The following WIPF2 variants were observed in gnomAD, a reference collection of about 807,000 sequenced individuals.
WIPF2 encodes the protein WAS/WASL-interacting protein family member 2.
In WIPF2, 23 loss-of-function variants were observed where a neutral mutation model predicts 38.8. The observed-to-expected ratio is 0.59, with a 90% confidence interval of 0.43 to 0.84. The LOEUF is 0.84. Among genes scored for constraint, WIPF2 ranks in the 40% least tolerant of loss-of-function variants. WIPF2 has a pLI of 0.00. For missense variants in WIPF2, 574 were observed against 580.5 expected, an observed-to-expected ratio of 0.99 and a Z score of 0.11; for synonymous variants, 210 against 223.2, an observed-to-expected ratio of 0.94 and a Z score of 0.53.
At chr17:40,241,216 T>C (rs1483184071) in intron 1 of WIPF2, among the ~76,000 whole-genome samples, 1 of 152,184 alleles carries the variant, frequency 6.6e-6, no homozygotes, top group Non-Finnish European at 1.5e-5. Flanking sequence ...GGAAAACTTC[T>C]GATTTTAGTT....
Position 40,220,600 on chromosome 17 carries a change from TA to T in WIPF2, c.-70+1109del, listed in dbSNP as rs1567705798. On this transcript the variant is annotated intron_variant, in intron 1 of 7. Transcript: ENST00000323571. ...ATATATATATATATATATATATATA[TA>T]TATATATATATATATATGTATATAT... 214 of 86,468 alleles carry T rather than the reference TA, an allele frequency of 2.5e-3. 5 individuals carry two copies. The highest frequency in any genetic ancestry group is 9.6e-3 in the African/African-American group (193 of 20,126). The allele number at this position is 86,468 out of a possible 1,614,324, so 5.4% of individuals were successfully genotyped here. A position where few individuals can be genotyped will look rare whatever the true frequency, so the allele number is the denominator to read the frequency against.
At chr17:40,229,987 A>G (rs2030672331) in intron 1 of WIPF2, among the ~76,000 whole-genome samples, 2 of 152,188 alleles carry the variant, frequency 1.3e-5, no homozygotes, top group African/African-American at 4.8e-5. Flanking sequence ...GCTGGAGCTT[A>G]GGGAGTGAAA....
intron 1 of WIPF2, among the ~76,000 whole-genome samples, chr17:40,238,666 G>A (rs907320385): frequency 1.5e-4 from 22 of 151,718 alleles, no homozygotes; most frequent in African/African-American, 5.3e-4. Flanking sequence ...AGGCTGGAGT[G>A]CAGTGGCACA....
chr17:40,266,934 G>A (rs942642468), intron 5 of WIPF2, among the ~76,000 whole-genome samples: 1 of 152,110 alleles, frequency 6.6e-6, no homozygotes. Context: ...TGGGTGTAGT[G>A]GTAGAAGCAT....
intron 6 of WIPF2, among the ~76,000 whole-genome samples, 171 bp from the exon 7 acceptor site, chr17:40,276,912 C>G (rs1312908202): frequency 6.6e-6 from 1 of 152,110 alleles, no homozygotes; most frequent in Non-Finnish European, 1.5e-5. Context: ...ATGCAAGGCA[C>G]GTGGGGTGAT....
intron 1 of WIPF2, among the ~76,000 whole-genome samples, chr17:40,230,158 G>A (rs1417367949): frequency 6.6e-6 from 1 of 152,042 alleles, no homozygotes; most frequent in African/African-American, 2.4e-5. Flanking sequence ...GGCAACATAG[G>A]GAGACCCCCC....
In WIPF2 at chr17:40,238,476, G is replaced by T. The variant is rs2031065792; in HGVS notation, c.-69-17915G>T. ...CCGCCATCATGCCCGGCTAATTTTT[G>T]TAGTTTTGTAGAGACAGGGTTTTAC... is the stretch of plus-strand genomic sequence containing the variant. On this transcript the variant is annotated intron_variant, in intron 1 of 7. Transcript: ENST00000323571. 2.0e-5 allele frequency among the ~76,000 whole-genome samples: 3 copies of T among 151,502 alleles called. No individual in the cohort carries two copies. The South Asian group carries it at 6.3e-4, about 32-fold the overall frequency.
At position 40,256,433 on chromosome 17, in the gene WIPF2, A is replaced by G. The variant is rs1039201552; in HGVS notation, c.-27A>G. 5 of 1,600,856 alleles carry G rather than the reference A, an allele frequency of 3.1e-6. No homozygotes were observed. The African/African-American group carries it at 6.7e-5, about 22-fold the overall frequency. On this transcript the variant is annotated 5_prime_UTR_variant, in exon 2 of 8. Coordinates refer to ENST00000323571, the MANE Select transcript of WIPF2 (RefSeq NM_133264.5). ...AGGTACAAATAAAGACGGAGAGAGA[A>G]CAGTGCCAACTGGGAGCAGGGCAAG...
intron 1 of WIPF2, among the ~76,000 whole-genome samples, chr17:40,254,850 CCTCCCGAGTAGCTGGGA>C (rs2031670069): frequency 6.6e-6 from 1 of 152,002 alleles, no homozygotes; most frequent in Admixed American, 6.6e-5. Flanking sequence ...CCTGTCTGAG[CCTCCCGAGTAGCTGGGA>C]CTACAGGCAC....
intron 1 of WIPF2, among the ~76,000 whole-genome samples, chr17:40,237,778 T>C (rs1295319546): frequency 6.7e-6 from 1 of 149,744 alleles, no homozygotes; most frequent in Non-Finnish European, 1.5e-5. Flanking sequence ...CATAAGTAGC[T>C]GGGATTACAG....
intron 1 of WIPF2, among the ~76,000 whole-genome samples, chr17:40,246,955 C>T (rs923185937): frequency 6.6e-6 from 1 of 151,660 alleles, no homozygotes; most frequent in African/African-American, 2.4e-5. Context: ...ACTAAAAATA[C>T]AAGAAATTAG....
At chr17:40,262,777 T>C (rs2031954259) in intron 4 of WIPF2, 136 bp downstream of exon 4, 3 of 675,712 alleles carry the variant, frequency 4.4e-6, no homozygotes, top group African/African-American at 3.6e-5. Flanking sequence ...AGTTATAGAA[T>C]AGAATACAGC....
At chr17:40,247,145 C>T (rs1032049098) in intron 1 of WIPF2, among the ~76,000 whole-genome samples, 19 of 150,536 alleles carry the variant, frequency 1.3e-4, no homozygotes, top group African/African-American at 3.7e-4. Context: ...AAAAACAACT[C>T]GCTTGTTAAA....
In WIPF2 at chr17:40,283,866, C is replaced by G. The variant is rs1436599213; in HGVS notation, c.*5641C>G. ...TCTCCTTACTGTGGTCAGCTGACAT[C>G]ATAACCACTAAGGCTTAATGAGCTT... On this transcript the variant is annotated 3_prime_UTR_variant, in exon 8 of 8. Transcript: ENST00000323571. The G allele has an allele frequency of 6.6e-6, 1 of 152,308 alleles. No individual in the cohort carries two copies. Among genetic ancestry groups the G allele is most frequent in the East Asian group, 1.9e-4 (1 of 5,186 alleles). 9.4% of individuals were successfully genotyped at this position (152,308 alleles called of 1,614,324 possible).
intron 1 of WIPF2, among the ~76,000 whole-genome samples, chr17:40,250,361 G>A (rs2031518754): frequency 6.7e-6 from 1 of 148,604 alleles, no homozygotes; most frequent in Non-Finnish European, 1.5e-5. Context: ...CTTCTGAGTA[G>A]CTGGGACTAC....
rs2030069417 is a variant in WIPF2, at chr17:40,219,429, G to C, written c.-133G>C. The C allele has an allele frequency of 5.3e-6, 2 of 376,222 alleles. No homozygotes were observed. The highest frequency in any genetic ancestry group is 1.0e-5 in the Non-Finnish European group (2 of 199,094). The allele number at this position is 376,222 out of a possible 1,614,324, so 23.3% of individuals were successfully genotyped here. On this transcript the variant is annotated 5_prime_UTR_variant, in exon 1 of 8. Transcript: ENST00000323571. ...CGAGAAAGAGCTTGCCGGGGGGCGA[G>C]CAGGACAGGACGAAGCCGGAGTGTA...
chr17:40,226,823 CCT>C (rs1311116002), intron 1 of WIPF2, among the ~76,000 whole-genome samples: 7 of 151,640 alleles, frequency 4.6e-5, no homozygotes. Flanking sequence ...CTCACTGCAG[CCT>C]CTGCCTCCTG....
At chr17:40,229,072 G>A (rs948111062) in intron 1 of WIPF2, among the ~76,000 whole-genome samples, 2 of 150,528 alleles carry the variant, frequency 1.3e-5, no homozygotes, top group Admixed American at 6.6e-5. Context: ...GCTAATTTTT[G>A]TAGTTTTTGT....
chr17:40,234,839 C>G (rs1029641389), intron 1 of WIPF2, among the ~76,000 whole-genome samples: 1 of 152,082 alleles, frequency 6.6e-6, no homozygotes, highest in Non-Finnish European at 1.5e-5. Context: ...GCCATCTGTC[C>G]GAGGCCACGC....
Sources: gnomAD v4.1 joint callset for allele counts (sites outside exome capture counted in the v4.1 genomes callset) on GRCh38, gnomAD v4.1.1 for gene constraint, MANE v1.5 for transcripts, NCBI Gene and HGNC (gene_info 2026-07-23, HGNC 2026-07-21) for gene names.